Variants in CSMD3 observed in about 807,000 individuals in gnomAD.
CSMD3 encodes CUB and Sushi multiple domains 3.
Under a neutral mutation model 435.2 loss-of-function variants are expected in CSMD3, and 177 were observed. That is an observed-to-expected ratio of 0.41 (90% CI 0.36 to 0.46). The LOEUF (loss-of-function observed/expected upper bound fraction) is 0.46, where lower values mean the gene tolerates loss of function less well. Ranked by LOEUF, CSMD3 falls within the 20% of genes least tolerant of loss-of-function variation. The pLI is 0.34. For synonymous variants in CSMD3, 1,656 were observed against 1,520.5 expected, an observed-to-expected ratio of 1.09 and a Z score of -2.07; for missense variants, 4,265 against 4,504.6, an observed-to-expected ratio of 0.95 and a Z score of 1.52.
chr8:112,629,911 A>T (rs1463885743), intron 22 of CSMD3, among the ~76,000 whole-genome samples: 1 of 152,178 alleles, frequency 6.6e-6, no homozygotes, highest in Non-Finnish European at 1.5e-5. Context: ...TTCCTCGCAG[A>T]TTCACCAGAG....
chr8:112,656,385 C>G (rs1220478535), intron 17 of CSMD3, 44 bp from the exon 18 acceptor site: 6 of 1,443,130 alleles, frequency 4.2e-6, no homozygotes, highest in Non-Finnish European at 4.9e-6. Flanking sequence ...AGAATTAACA[C>G]TATATATGGA....
chr8:112,470,662 A>G (rs1818430055), intron 32 of CSMD3, among the ~76,000 whole-genome samples: 1 of 152,052 alleles, frequency 6.6e-6, no homozygotes, highest in Non-Finnish European at 1.5e-5. Context: ...TATCTCATTT[A>G]CTGCTCACAT....
In CSMD3 at chr8:112,565,790, A is replaced by G. The variant is rs989329920; in HGVS notation, c.4042+7711T>C. Among the ~76,000 whole-genome samples, 8 of 152,102 alleles carry G rather than the reference A, an allele frequency of 5.3e-5. No individual in the cohort carries two copies. The East Asian group carries it at 1.5e-3, about 29-fold the overall frequency. ...TTTGGCTCTGTAATAGATGGCTGTT[A>G]AAAATACTCAATTCCTTTTTACAAA... is the stretch of plus-strand genomic sequence containing the variant. On this transcript the variant is annotated intron_variant, in intron 24 of 70. Transcript: ENST00000297405.
At chr8:112,600,668 C>G (rs1469908759) in intron 22 of CSMD3, among the ~76,000 whole-genome samples, 1 of 151,922 alleles carries the variant, frequency 6.6e-6, no homozygotes, top group East Asian at 1.9e-4. Flanking sequence ...TTTCTTATAT[C>G]TCATGATTTT....
At chr8:112,835,438 A>G (rs1261696028) in intron 11 of CSMD3, among the ~76,000 whole-genome samples, 2 of 151,824 alleles carry the variant, frequency 1.3e-5, no homozygotes, top group Non-Finnish European at 2.9e-5. Context: ...TTTTATTTTG[A>G]CCCTAAAAGT....
intron 5 of CSMD3, among the ~76,000 whole-genome samples, chr8:113,049,686 G>A (rs2088001574): frequency 6.6e-6 from 1 of 152,152 alleles, no homozygotes; most frequent in Admixed American, 6.5e-5. Flanking sequence ...TTGTATGGAA[G>A]CTTTTTAAAT....
intron 24 of CSMD3, 99 bp from the exon 25 acceptor site, chr8:112,557,053 ACTTATT>A (rs772521611): frequency 6.4e-5 from 49 of 763,126 alleles, no homozygotes; most frequent in Non-Finnish European, 9.4e-5. Context: ...ATGATTACAT[ACTTATT>A]CTTAGTCATA....
chr8:112,441,440 G>A (rs1815004216), intron 32 of CSMD3, among the ~76,000 whole-genome samples: 1 of 151,968 alleles, frequency 6.6e-6, no homozygotes, highest in African/African-American at 2.4e-5. Flanking sequence ...GTCTTCTTCC[G>A]AGCCCTCCAA....
At chr8:113,012,662 T>C (rs1323669761) in intron 6 of CSMD3, among the ~76,000 whole-genome samples, 1 of 151,974 alleles carries the variant, frequency 6.6e-6, no homozygotes, top group Non-Finnish European at 1.5e-5. Flanking sequence ...CTGTCATGAG[T>C]GTAAGTTTCC....
At chr8:113,311,434 C>T (rs1471401450) in intron 2 of CSMD3, 3 of 151,858 alleles carry the variant, frequency 2.0e-5, no homozygotes, top group East Asian at 1.9e-4. Flanking sequence ...TTTTTTCCTA[C>T]ATTATTGCAA....
At chr8:112,237,374 C>T in intron 66 of CSMD3, 26 bp from the exon 67 acceptor site, 1 of 1,522,462 alleles carries the variant, frequency 6.6e-7, no homozygotes, top group Non-Finnish European at 9.1e-7. Flanking sequence ...ATATACCACA[C>T]ATTAATTTTA....
intron 1 of CSMD3, among the ~76,000 whole-genome samples, chr8:113,375,043 A>T (rs536034542): frequency 2.0e-5 from 3 of 152,238 alleles, no homozygotes; most frequent in African/African-American, 7.2e-5. Context: ...CCAGTATAAC[A>T]AAAGAGTAGA....
intron 13 of CSMD3, among the ~76,000 whole-genome samples, chr8:112,694,187 G>C (rs966217369): frequency 2.6e-5 from 4 of 151,850 alleles, no homozygotes; most frequent in African/African-American, 4.8e-5. Context: ...TGTATTTAGA[G>C]AGTAGCAGAG....
chr8:112,415,831 CT>C (rs1811854307), intron 32 of CSMD3, among the ~76,000 whole-genome samples: 1 of 152,168 alleles, frequency 6.6e-6, no homozygotes, highest in South Asian at 2.1e-4. Flanking sequence ...GGATTTTGGA[CT>C]TGTATGGGGC....
At chr8:113,380,270 T>C (rs1340656511) in intron 1 of CSMD3, among the ~76,000 whole-genome samples, 1 of 152,292 alleles carries the variant, frequency 6.6e-6, no homozygotes, top group East Asian at 1.9e-4. Context: ...ACATTCTAAT[T>C]TAACAGGACA....
intron 1 of CSMD3, among the ~76,000 whole-genome samples, chr8:113,330,388 TGAAAG>T (rs1446479600): frequency 2.0e-5 from 3 of 151,836 alleles, no homozygotes; most frequent in Admixed American, 6.6e-5. Context: ...GAGGCAGTAA[TGAAAG>T]GAAAGAACAA....
intron 10 of CSMD3, among the ~76,000 whole-genome samples, chr8:112,874,055 A>T (rs1029725730): frequency 6.6e-6 from 1 of 152,110 alleles, no homozygotes; most frequent in African/African-American, 2.4e-5. Flanking sequence ...TAGTGCTATA[A>T]ATTTCCCTTT....
intron 6 of CSMD3, among the ~76,000 whole-genome samples, chr8:112,984,516 T>C (rs1466477970): frequency 6.6e-6 from 1 of 152,116 alleles, no homozygotes; most frequent in African/African-American, 2.4e-5. Context: ...TTTGACTCTT[T>C]CTACTCTAGA....
At chr8:113,059,214 G>C (rs930519267) in intron 5 of CSMD3, among the ~76,000 whole-genome samples, 7 of 152,098 alleles carry the variant, frequency 4.6e-5, no homozygotes, top group Non-Finnish European at 4.4e-5. Flanking sequence ...TTTTGTGTAA[G>C]TTAGATTATA....
Sources: allele counts gnomAD v4.1 joint callset (sites outside exome capture counted in the v4.1 genomes callset), GRCh38; gene constraint gnomAD v4.1.1; transcripts MANE v1.5; gene names NCBI Gene and HGNC (gene_info 2026-07-23, HGNC 2026-07-21).